Variants in METAP2 observed in about 807,000 individuals in gnomAD.
METAP2 encodes methionine aminopeptidase 2.
METAP2 carries 25 observed loss-of-function variants against 59.4 expected under a neutral mutation model. That is an observed-to-expected ratio of 0.42 (90% CI 0.31 to 0.59). METAP2 has a LOEUF of 0.59. Among genes scored for constraint, METAP2 ranks in the 20% least tolerant of loss-of-function variants. The pLI is 0.16. For synonymous variants in METAP2, 214 were observed against 194.1 expected (o/e 1.10, Z -0.85); for missense variants, 366 against 581.2 (o/e 0.63, Z 3.81).
intron 2 of METAP2, among the ~76,000 whole-genome samples, chr12:95,476,609 CTTG>C (rs2076121866): frequency 6.6e-6 from 1 of 152,258 alleles, no homozygotes; most frequent in East Asian, 1.9e-4. Context: ...TGACATTTCA[CTTG>C]TTACCTCAAT....
chr12:95,492,981 CA>C (rs2076250152), intron 4 of METAP2, among the ~76,000 whole-genome samples: 1 of 152,132 alleles, frequency 6.6e-6, no homozygotes, highest in Non-Finnish European at 1.5e-5. Flanking sequence ...ATTTATAAAA[CA>C]GGGGAGGCAA....
intron 8 of METAP2, among the ~76,000 whole-genome samples, chr12:95,507,258 CT>C (rs2076368297): frequency 6.6e-6 from 1 of 152,158 alleles, no homozygotes; most frequent in African/African-American, 2.4e-5. Context: ...GTGATAGTGC[CT>C]GGAATTTATT....
chr12:95,496,821 CTTT>C (rs777002045), intron 7 of METAP2, among the ~76,000 whole-genome samples: 11 of 100,936 alleles, frequency 1.1e-4, no homozygotes, highest in Non-Finnish European at 1.5e-4. Flanking sequence ...CTTTTTCTTT[CTTT>C]TTTTTTTTTT....
At chr12:95,480,687 A>G (rs1594411610) in intron 2 of METAP2, among the ~76,000 whole-genome samples, 1 of 151,674 alleles carries the variant, frequency 6.6e-6, no homozygotes, top group African/African-American at 2.4e-5. Flanking sequence ...TTTTTTGTCC[A>G]TGTTTTATTG....
intron 4 of METAP2, among the ~76,000 whole-genome samples, chr12:95,490,855 C>T (rs1409237204): frequency 6.6e-6 from 1 of 152,016 alleles, no homozygotes. Flanking sequence ...CCGATTGTTT[C>T]CTTGTTGGGG....
intron 4 of METAP2, among the ~76,000 whole-genome samples, chr12:95,493,837 CAT>C (rs1246960434): frequency 3.3e-5 from 5 of 152,240 alleles, no homozygotes; most frequent in African/African-American, 7.2e-5. Flanking sequence ...TGAAATCTCA[CAT>C]GAGGGTTTTT....
At chr12:95,497,500 G>A (rs1313677271) in intron 7 of METAP2, among the ~76,000 whole-genome samples, 6 of 152,292 alleles carry the variant, frequency 3.9e-5, no homozygotes, top group East Asian at 1.9e-4. Flanking sequence ...GGATTGCTCC[G>A]ATGTTTTAGC....
At chr12:95,511,588 C>T (rs61939479) in intron 8 of METAP2, among the ~76,000 whole-genome samples, 6,893 of 152,064 alleles carry the variant, frequency 0.045, 216 homozygotes, top group Non-Finnish European at 0.067. Context: ...GACAGGGTTT[C>T]GCCATGTTGG....
At chr12:95,512,773 C>T in intron 9 of METAP2, 28 bp from the exon 10 acceptor site, 2 of 1,251,984 alleles carry the variant, frequency 1.6e-6, no homozygotes, top group South Asian at 1.3e-5. Flanking sequence ...TCTTCTTTCT[C>T]TCCCCTTGAC....
At chr12:95,479,741 TG>T (rs1342562082) in intron 2 of METAP2, among the ~76,000 whole-genome samples, 1 of 152,064 alleles carries the variant, frequency 6.6e-6, no homozygotes, top group Non-Finnish European at 1.5e-5. Context: ...CCTGAGTGGC[TG>T]GGATTACAGG....
chr12:95,478,250 T>C (rs144207863), intron 2 of METAP2, among the ~76,000 whole-genome samples: 1 of 152,260 alleles, frequency 6.6e-6, no homozygotes, highest in East Asian at 1.9e-4. Flanking sequence ...TTTGTAGTTA[T>C]TTCAGTAATC....
At chr12:95,492,627 G>A (rs1299745870) in intron 4 of METAP2, among the ~76,000 whole-genome samples, 1 of 151,996 alleles carries the variant, frequency 6.6e-6, no homozygotes, top group African/African-American at 2.4e-5. Context: ...GTATAGTGGT[G>A]CAATCATAGC....
At chr12:95,500,117 T>C (rs1312815581) in intron 7 of METAP2, among the ~76,000 whole-genome samples, 1 of 152,208 alleles carries the variant, frequency 6.6e-6, no homozygotes, top group Non-Finnish European at 1.5e-5. Flanking sequence ...ACATGTGTTT[T>C]AATGTGTTTC....
At chr12:95,506,446 G>A (rs898654734) in intron 8 of METAP2, among the ~76,000 whole-genome samples, 10 of 151,608 alleles carry the variant, frequency 6.6e-5, no homozygotes, top group Admixed American at 5.9e-4. Flanking sequence ...ACAGGCATGC[G>A]CCACTACACC....
chr12:95,495,642 A>C (rs1343927007), intron 6 of METAP2, among the ~76,000 whole-genome samples: 1 of 152,174 alleles, frequency 6.6e-6, no homozygotes, highest in African/African-American at 2.4e-5. Flanking sequence ...AAGTAAAAGT[A>C]TATTCAGAGC....
At chr12:95,489,850 C>CA (rs1159705574) in intron 4 of METAP2, among the ~76,000 whole-genome samples, 1 of 152,056 alleles carries the variant, frequency 6.6e-6, no homozygotes, top group Admixed American at 6.6e-5. Flanking sequence ...GAAAAAAACC[C>CA]AAAAAACTTC....
rs202212052 is a variant in METAP2 at position 95,513,987 on chromosome 12, G to C, written c.*83G>C. The C allele has an allele frequency of 5.4e-6, 8 of 1,468,650 alleles. No individual in the cohort carries two copies. The highest frequency in any genetic ancestry group is 7.4e-6 in the Non-Finnish European group (8 of 1,087,184). 91.0% of individuals were successfully genotyped at this position (1,468,650 alleles called of 1,614,324 possible). Reference sequence around the variant, plus strand: ...TACCAGAATTAATTTGCCACATGTTGTCTGTTTTAACAGTGGACCCATGTA... The same window carrying C: ...TACCAGAATTAATTTGCCACATGTTCTCTGTTTTAACAGTGGACCCATGTA... On this transcript the variant is annotated 3_prime_UTR_variant, in exon 11 of 11. Coordinates refer to ENST00000323666, the MANE Select transcript of METAP2 (RefSeq NM_006838.4).
At position 95,496,782 on chromosome 12, in the gene METAP2, TAGA is replaced by T. The variant is rs200073963; in HGVS notation, c.867+685_867+687del. Among the ~76,000 whole-genome samples, 210 of 150,338 alleles carry T rather than the reference TAGA, an allele frequency of 1.4e-3. 5 individuals carry two copies. The East Asian group carries it at 0.038, about 27-fold the overall frequency. On this transcript the variant is annotated intron_variant, in intron 7 of 10. Coordinates refer to ENST00000323666, the MANE Select transcript of METAP2 (RefSeq NM_006838.4). The stretch of plus-strand genomic sequence containing the variant: ...TTTTTGGAGGGAGGTGCAGTTAAAA[TAGA>T]CATTACATAAAATTTACCATATTAA...
Position 95,476,142 on chromosome 12 carries a change from G to A in METAP2, c.223G>A (p.Ala75Thr), listed in dbSNP as rs2076116462. The change falls in exon 2 of 11, where the codon GCA becomes ACA. Residue 75 changes from alanine to threonine, a missense_variant. This residue lies in a region of METAP2 where 177 missense variants were observed against 180.3 expected (regional missense o/e 0.98). Transcript: ENST00000323666. ...DEVARQLERS[A>T]LEDKERDEDD... ...AGTAGCAAGACAGTTGGAAAGATCA[G>A]CATTGGAAGATAAAGAAAGAGATGA... The A allele has an allele frequency of 6.2e-6, 10 of 1,610,800 alleles. No homozygotes were observed. The highest frequency in any genetic ancestry group is 7.6e-6 in the Non-Finnish European group (9 of 1,178,278).
Sources: gnomAD v4.1 joint callset for allele counts (sites outside exome capture counted in the v4.1 genomes callset) on GRCh38, gnomAD v4.1.1 for gene constraint, gnomAD v4.1.1 regional missense constraint, MANE v1.5 for transcripts, NCBI Gene and HGNC (gene_info 2026-07-23, HGNC 2026-07-21) for gene names.